Variants in CNTN5 observed in about 807,000 individuals in gnomAD.
CNTN5 encodes the protein contactin-5.
A neutral mutation model predicts 129.1 loss-of-function variants in CNTN5; 77 were observed. The ratio of observed to expected loss-of-function variants is 0.60; its 90% CI spans 0.50 to 0.72. The LOEUF (loss-of-function observed/expected upper bound fraction) is 0.72. CNTN5 is among the 30% of genes least tolerant of loss of function. The pLI, the probability that CNTN5 is intolerant of heterozygous loss-of-function variation, is 0.00. For missense variants in CNTN5, 1,478 were observed against 1,328.8 expected (o/e 1.11, Z -1.75); for synonymous variants, 509 against 465.6 (o/e 1.09, Z -1.20).
chr11:99,501,684 C>T (rs1946433036), intron 2 of CNTN5, among the ~76,000 whole-genome samples: 1 of 152,154 alleles, frequency 6.6e-6, no homozygotes, highest in African/African-American at 2.4e-5. Flanking sequence ...CATTCAATTA[C>T]CCACTCAGCA....
intron 9 of CNTN5, among the ~76,000 whole-genome samples, chr11:100,035,470 C>A (rs1261444405): frequency 6.8e-5 from 10 of 146,858 alleles, no homozygotes; most frequent in African/African-American, 1.8e-4. Flanking sequence ...ATTTATAGTC[C>A]TTTGGGTATA....
intron 16 of CNTN5, among the ~76,000 whole-genome samples, chr11:100,226,025 T>G (rs993891905): frequency 1.3e-5 from 2 of 152,112 alleles, no homozygotes; most frequent in African/African-American, 4.8e-5. Context: ...TGTTCATTTT[T>G]TGTGTGTTTC....
At position 99,613,538 on chromosome 11, in the gene CNTN5, C is replaced by T. The variant is rs527526228; in HGVS notation, c.55+57269C>T. Among the ~76,000 whole-genome samples the T allele has an allele frequency of 5.9e-5, 9 of 151,740 alleles. No homozygotes were observed. In the East Asian group the frequency reaches 7.7e-4, roughly 13 times the overall value. On this transcript the variant is annotated intron_variant, in intron 3 of 24. Transcript: ENST00000524871. Reference sequence around the variant, plus strand: ...ACAAAGGACATAGCAAAAAGTAAAGCGAGAATAAAATCAGGCAAGAAGCAG... The same window carrying T: ...ACAAAGGACATAGCAAAAAGTAAAGTGAGAATAAAATCAGGCAAGAAGCAG...
chr11:99,639,098 T>A (rs1393940327), intron 3 of CNTN5, among the ~76,000 whole-genome samples: 1 of 152,174 alleles, frequency 6.6e-6, no homozygotes, highest in African/African-American at 2.4e-5. Context: ...TTCCCAAACC[T>A]CAATTCTTGA....
intron 2 of CNTN5, among the ~76,000 whole-genome samples, chr11:99,504,674 C>A (rs1946552947): frequency 6.6e-6 from 1 of 151,984 alleles, no homozygotes; most frequent in Admixed American, 6.6e-5. Context: ...GGATTTTAAG[C>A]AGGAAGTTAC....
At chr11:99,727,926 T>A (rs1341223300) in intron 3 of CNTN5, among the ~76,000 whole-genome samples, 2 of 152,118 alleles carry the variant, frequency 1.3e-5, no homozygotes. Context: ...AAAAATTGAG[T>A]CACAGAGAGT....
intron 3 of CNTN5, among the ~76,000 whole-genome samples, chr11:99,786,894 G>T (rs950981860): frequency 6.6e-6 from 1 of 152,070 alleles, no homozygotes; most frequent in South Asian, 2.1e-4. Flanking sequence ...CTTTCATTCA[G>T]TTTACCTCAG....
intron 1 of CNTN5, among the ~76,000 whole-genome samples, chr11:99,230,852 C>T (rs555022124): frequency 7.8e-4 from 119 of 152,170 alleles, no homozygotes; most frequent in African/African-American, 2.4e-3. Flanking sequence ...CTCCTCCCTA[C>T]GTCCACGTGT....
intron 8 of CNTN5, among the ~76,000 whole-genome samples, chr11:99,962,994 T>C (rs933154314): frequency 6.6e-6 from 1 of 152,092 alleles, no homozygotes; most frequent in Non-Finnish European, 1.5e-5. Context: ...CGCCCACTTT[T>C]TGATGGGGTT....
chr11:100,059,354 A>C (rs946375625), intron 9 of CNTN5, among the ~76,000 whole-genome samples: 11 of 152,140 alleles, frequency 7.2e-5, no homozygotes, highest in Non-Finnish European at 1.5e-4. Flanking sequence ...AAAAAATCGG[A>C]AGTCAGGAAG....
chr11:99,969,184 T>G (rs17134786), intron 8 of CNTN5, among the ~76,000 whole-genome samples: 5,731 of 152,220 alleles, frequency 0.038, 234 homozygotes, highest in East Asian at 0.21. Flanking sequence ...CTCTCTCAAT[T>G]TGTCTTGAAA....
At chr11:99,930,796 A>AACACACACACACACACACACACAC (rs59103010) in intron 7 of CNTN5, among the ~76,000 whole-genome samples, 26 of 149,456 alleles carry the variant, frequency 1.7e-4, no homozygotes, top group African/African-American at 6.2e-4. Flanking sequence ...CATACACACA[A>AACACACACACACACACACACACAC]ACACACACAC....
rs201144555 is a variant in CNTN5 at position 100,191,211 on chromosome 11, G to A, written c.1666G>A (p.Val556Ile). ...AAAGTACGTTTGCCGAGGGGAAAAC[G>A]TCTTTGGTTCTGCTGAAATTATAGC... ...EGKYVCRGEN[V>I]FGSAEIIASL... The change falls in exon 14 of 25, where the codon GTC (valine) becomes ATC (isoleucine). Residue 556 changes from valine (V) to isoleucine (I), a missense_variant. By Grantham distance (29) the Val-to-Ile change is conservative. Transcript: ENST00000524871. 4.0e-5 allele frequency: 64 copies of A among 1,612,486 alleles called. No homozygotes were observed. Among genetic ancestry groups the A allele is most frequent in the Non-Finnish European group, 5.3e-5 (63 of 1,179,106 alleles).
rs372901415 is a variant in CNTN5, at chr11:100,118,031, G to GT, written c.1580+43747dup. ...CTCTAACTTTTTTAACCTCGCAGTT[G>GT]TTTTTTTTTTCCCTTCCATGTAATG... On this transcript the variant is annotated intron_variant, in intron 13 of 24. Coordinates refer to ENST00000524871, the MANE Select transcript of CNTN5 (RefSeq NM_014361.4). Among the ~76,000 whole-genome samples, 1,048 of 146,776 alleles carry GT rather than the reference G, an allele frequency of 7.1e-3. 8 individuals carry two copies. Among genetic ancestry groups the GT allele is most frequent in the African/African-American group, 0.024 (976 of 40,202 alleles).
chr11:99,472,652 A>G (rs2726384), intron 2 of CNTN5, among the ~76,000 whole-genome samples: 72,785 of 151,908 alleles, frequency 0.48, 18,060 homozygotes, highest in Middle Eastern at 0.61. Flanking sequence ...ATGCATTAGC[A>G]TATTTCTTTC....
chr11:99,716,428 T>C (rs1467809029), intron 3 of CNTN5, among the ~76,000 whole-genome samples: 2 of 152,044 alleles, frequency 1.3e-5, no homozygotes, highest in Non-Finnish European at 2.9e-5. Context: ...TACTCCTCAG[T>C]ATCCTGAATG....
intron 1 of CNTN5, among the ~76,000 whole-genome samples, chr11:99,241,768 T>C (rs1366415295): frequency 1.3e-5 from 2 of 152,300 alleles, no homozygotes; most frequent in East Asian, 3.9e-4. Context: ...TTCACAGTTA[T>C]GTATCAAAAG....
intron 1 of CNTN5, among the ~76,000 whole-genome samples, chr11:99,218,851 G>A (rs979060466): frequency 1.3e-5 from 2 of 152,072 alleles, no homozygotes; most frequent in Non-Finnish European, 2.9e-5. Context: ...TGCCTTAAAT[G>A]TAGGAGATGT....
At chr11:100,037,655 TG>T (rs1942098265) in intron 9 of CNTN5, among the ~76,000 whole-genome samples, 1 of 152,220 alleles carries the variant, frequency 6.6e-6, no homozygotes, top group African/African-American at 2.4e-5. Context: ...CTCCTGTTGT[TG>T]GTCTATTCAG....
Sources: allele counts gnomAD v4.1 joint callset (sites outside exome capture counted in the v4.1 genomes callset), GRCh38; gene constraint gnomAD v4.1.1; transcripts MANE v1.5; gene names NCBI Gene and HGNC (gene_info 2026-07-23, HGNC 2026-07-21).